The following SMYD2 variants were observed in gnomAD, a reference collection of about 807,000 sequenced individuals.
SMYD2 encodes N-lysine methyltransferase SMYD2.
In SMYD2, 53 loss-of-function variants were observed where a neutral mutation model predicts 59.1. That is an observed-to-expected ratio of 0.90 (90% CI 0.72 to 1.13). The LOEUF (loss-of-function observed/expected upper bound fraction) is 1.13, where lower values mean the gene tolerates loss of function less well. Ranked by LOEUF, SMYD2 falls within the 50% of genes most tolerant of loss-of-function variation. The pLI is 0.00. For synonymous variants in SMYD2, 208 were observed against 198.8 expected, an observed-to-expected ratio of 1.05 and a Z score of -0.39; for missense variants, 494 against 544.7, an observed-to-expected ratio of 0.91 and a Z score of 0.93.
At chr1:214,333,135 AGCTCTTAAAATCT>A (rs1438187988) in intron 10 of SMYD2, 1 of 152,342 alleles carries the variant, frequency 6.6e-6, no homozygotes, top group Non-Finnish European at 1.5e-5. Flanking sequence ...AAAGGAAGCC[AGCTCTTAAAATCT>A]GCTCTTGGAA....
Position 214,281,380 on chromosome 1 carries a change from G to T in SMYD2, c.126G>T (p.Val42=). The change falls in exon 1 of 12, where the codon GTG becomes GTT. Residue 42 remains valine, a synonymous_variant. Coordinates refer to ENST00000366957, the MANE Select transcript of SMYD2 (RefSeq NM_020197.3). ...TCTCCTGCCCGGCCTATGCCTACGT[G>T]CTCACGGTCAACGAGCGGGGCAACC... ...LLFSCPAYAY[V]LTVNERGNHC... 6.8e-7 allele frequency: 1 copy of T among 1,461,262 alleles called. No homozygotes were observed. Among genetic ancestry groups the T allele is most frequent in the Non-Finnish European group, 9.1e-7 (1 of 1,099,980 alleles). 90.5% of individuals were successfully genotyped at this position (1,461,262 alleles called of 1,614,324 possible).
intron 1 of SMYD2, among the ~76,000 whole-genome samples, chr1:214,297,276 C>T (rs11589775): frequency 0.12 from 18,567 of 149,282 alleles, 1,442 homozygotes; most frequent in East Asian, 0.25. Context: ...ATTCACTCTA[C>T]ACTTCTTTTC....
intron 1 of SMYD2, 42 bp downstream of exon 1, chr1:214,281,469 C>A (rs769836734): frequency 3.8e-5 from 51 of 1,326,846 alleles, no homozygotes; most frequent in Non-Finnish European, 4.9e-5. Context: ...GAGCCGGGGG[C>A]GCCGAGCGGG....
At chr1:214,325,984 A>C (rs1657254658) in intron 6 of SMYD2, among the ~76,000 whole-genome samples, 2 of 152,010 alleles carry the variant, frequency 1.3e-5, no homozygotes, top group Admixed American at 1.3e-4. Flanking sequence ...TCACACCTAT[A>C]ATCCCAGCAC....
intron 2 of SMYD2, among the ~76,000 whole-genome samples, chr1:214,308,097 C>T (rs1281475321): frequency 6.6e-6 from 1 of 152,220 alleles, no homozygotes; most frequent in African/African-American, 2.4e-5. Context: ...GACAGGGGCA[C>T]CCTGAGCACC....
At chr1:214,314,175 C>CA (rs58438778) in intron 2 of SMYD2, among the ~76,000 whole-genome samples, 257 of 139,074 alleles carry the variant, frequency 1.8e-3, no homozygotes, top group African/African-American at 3.9e-3. Context: ...GACTCTGTCT[C>CA]AAAAAAAAAA....
At position 214,332,009 on chromosome 1, in the gene SMYD2, C is replaced by G. The variant is rs749174178; in HGVS notation, c.938-9C>G. 2 of 1,610,284 alleles carry G rather than the reference C, an allele frequency of 1.2e-6. No individual in the cohort carries two copies. Among genetic ancestry groups the G allele is most frequent in the Non-Finnish European group, 1.7e-6 (2 of 1,178,836 alleles). ...GGGCCCGGTGGCCCTTTCCTTGACT[C>G]CACAGCACCCCCTAGTGAGCTGCTG... is the stretch of plus-strand genomic sequence containing the variant. On this transcript the variant is annotated splice_polypyrimidine_tract_variant and intron_variant, in intron 9 of 11. Coordinates refer to ENST00000366957, the MANE Select transcript of SMYD2 (RefSeq NM_020197.3).
intron 10 of SMYD2, 47 bp downstream of exon 10, chr1:214,332,239 G>A (rs1246828435): frequency 1.2e-6 from 2 of 1,600,392 alleles, no homozygotes; most frequent in African/African-American, 2.7e-5. Context: ...GAATTTGGTT[G>A]TTTAGAATGT....
At chr1:214,324,067 A>G (rs1309466675) in intron 5 of SMYD2, among the ~76,000 whole-genome samples, 1 of 152,132 alleles carries the variant, frequency 6.6e-6, no homozygotes, top group Non-Finnish European at 1.5e-5. Context: ...AGCTGGGATT[A>G]CAGGCATGCG....
Position 214,318,172 on chromosome 1 carries a change from C to G in SMYD2, c.409+33C>G. On this transcript the variant is annotated intron_variant, in intron 4 of 11. Transcript: ENST00000366957. This position sits in a 1 kb window ranked among gnomAD's most constrained non-coding sequence, Gnocchi z 5.4. ...TTTCTGTGACCAGCCGCGCAGTTCT[C>G]TCAGCCACAGATTTCACATGGGTTG... 3 of 1,603,208 alleles carry G rather than the reference C, an allele frequency of 1.9e-6. No individual in the cohort carries two copies. Among genetic ancestry groups the G allele is most frequent in the Middle Eastern group, 1.7e-4 (1 of 6,038 alleles).
rs1394621989 is a variant in SMYD2, at chr1:214,324,631, C to G, written c.535-10C>G. ...TCATTTTTTTCCTTTCTCCCTTTTT[C>G]TTGCTGCAGGTTAACTGTAATGGCT... On this transcript the variant is annotated splice_polypyrimidine_tract_variant and intron_variant, in intron 5 of 11. Transcript: ENST00000366957. 1.9e-6 allele frequency: 3 copies of G among 1,597,942 alleles called. No individual in the cohort carries two copies. The highest frequency in any genetic ancestry group is 2.6e-6 in the Non-Finnish European group (3 of 1,174,372).
rs746676295 is a variant in SMYD2 at position 214,314,850 on chromosome 1, C to T, written c.326C>T (p.Thr109Ile). 9.0e-5 allele frequency: 145 copies of T among 1,613,852 alleles called. No homozygotes were observed. Among genetic ancestry groups the T allele is most frequent in the Non-Finnish European group, 1.2e-4 (145 of 1,179,890 alleles). The change falls in exon 3 of 12, where the codon ACA becomes ATA. Residue 109 changes from threonine (T) to isoleucine (I), a missense_variant. Thr to Ile is a moderately conservative substitution (Grantham distance 89, BLOSUM62 -1). Coordinates refer to ENST00000366957, the MANE Select transcript of SMYD2 (RefSeq NM_020197.3). The stretch of plus-strand genomic sequence containing the variant: ...AATCCCTCGGAGACTGTAAGACTAA[C>T]AGCAAGGATTCTGGCCAAACAGGTG... ...NWNPSETVRL[T>I]ARILAKQKIH...
chr1:214,317,799 T>A (rs1657109187), intron 3 of SMYD2, among the ~76,000 whole-genome samples: 1 of 152,144 alleles, frequency 6.6e-6, no homozygotes, highest in South Asian at 2.1e-4. Context: ...AAAAAGTTGT[T>A]TTCCGGCCCT....
At chr1:214,295,773 A>G (rs988611710) in intron 1 of SMYD2, among the ~76,000 whole-genome samples, 1 of 152,216 alleles carries the variant, frequency 6.6e-6, no homozygotes, top group Non-Finnish European at 1.5e-5. Context: ...AAAAACCTGT[A>G]GCCTGAGTAT....
chr1:214,314,536 A>G (rs1657049527), intron 2 of SMYD2, among the ~76,000 whole-genome samples: 1 of 152,156 alleles, frequency 6.6e-6, no homozygotes, highest in Non-Finnish European at 1.5e-5. Context: ...CACAAAGTAG[A>G]TCTTCTCATC....
intron 1 of SMYD2, among the ~76,000 whole-genome samples, chr1:214,291,059 A>G (rs373367888): frequency 1.3e-5 from 2 of 152,232 alleles, no homozygotes; most frequent in East Asian, 1.9e-4. Context: ...TTATGAGCCA[A>G]TAGTATACTC....
chr1:214,313,605 C>G (rs1378095825), intron 2 of SMYD2, among the ~76,000 whole-genome samples: 1 of 152,058 alleles, frequency 6.6e-6, no homozygotes, highest in African/African-American at 2.4e-5. Flanking sequence ...ATTTCTTACC[C>G]CATCATCCCA....
At chr1:214,302,323 A>G (rs1656837347) in intron 1 of SMYD2, among the ~76,000 whole-genome samples, 1 of 143,896 alleles carries the variant, frequency 6.9e-6, no homozygotes, top group African/African-American at 2.7e-5. Flanking sequence ...TGGGCAACAG[A>G]GCAAGACTCC....
intron 7 of SMYD2, among the ~76,000 whole-genome samples, chr1:214,327,982 G>T (rs915022683): frequency 1.1e-4 from 17 of 152,158 alleles, no homozygotes; most frequent in African/African-American, 4.1e-4. Context: ...TAATAAATTT[G>T]AGTCAAATTT....
Sources: gnomAD v4.1 joint callset for allele counts (sites outside exome capture counted in the v4.1 genomes callset) on GRCh38, gnomAD v4.1.1 for gene constraint, Gnocchi (gnomAD v3.1) non-coding constraint, MANE v1.5 for transcripts, NCBI Gene and HGNC (gene_info 2026-07-23, HGNC 2026-07-21) for gene names.